MRTFA: variants seen among roughly 807,000 people sequenced by gnomAD.
MRTFA encodes myocardin-related transcription factor A.
A neutral mutation model predicts 83.5 loss-of-function variants in MRTFA; 20 were observed. That is an observed-to-expected ratio of 0.24 (90% CI 0.17 to 0.35). The LOEUF (loss-of-function observed/expected upper bound fraction) is 0.35. Ranked by LOEUF, MRTFA falls within the 10% of genes least tolerant of loss-of-function variation. MRTFA has a pLI of 1.00. For missense variants in MRTFA, 1,200 were observed against 1,224.7 expected, an observed-to-expected ratio of 0.98 and a Z score of 0.30; for synonymous variants, 659 against 541.2, an observed-to-expected ratio of 1.22 and a Z score of -3.02.
intron 4 of MRTFA, among the ~76,000 whole-genome samples, chr22:40,451,449 G>A (rs1309325919): frequency 3.9e-5 from 6 of 152,120 alleles, no homozygotes; most frequent in Non-Finnish European, 8.8e-5. Context: ...GCCACCACCC[G>A]TTTTGGCACC....
At chr22:40,590,680 G>GAAAAAAAAAAAAAAAAAA (rs56366993) in intron 2 of MRTFA, among the ~76,000 whole-genome samples, 3 of 81,360 alleles carry the variant, frequency 3.7e-5, no homozygotes, top group Non-Finnish European at 5.1e-5. Flanking sequence ...CTCAAAAAAA[G>GAAAAAAAAAAAAAAAAAA]AAAAAAAAAA....
Position 40,411,550 on chromosome 22 carries a change from TCCAGGC to T in MRTFA, c.2930_2935del (p.Gly977_Leu978del), listed in dbSNP as rs1302767860. 2 of 1,613,662 alleles carry T rather than the reference TCCAGGC, an allele frequency of 1.2e-6. No individual in the cohort carries two copies. Among genetic ancestry groups the T allele is most frequent in the Non-Finnish European group, 1.7e-6 (2 of 1,179,882 alleles). On this transcript the variant is annotated inframe_deletion, in exon 15 of 15. Transcript: ENST00000355630. ...GCTGTCCAGGTGGCCATCAGCCAGGTCCAGGCCCATGGTGCTGCTGGGCTCAGGAAC... is the reference window on the plus strand; with the variant it reads ...GCTGTCCAGGTGGCCATCAGCCAGGTCCATGGTGCTGCTGGGCTCAGGAAC...
chr22:40,528,481 T>C (rs2055017349), intron 3 of MRTFA, among the ~76,000 whole-genome samples: 1 of 152,124 alleles, frequency 6.6e-6, no homozygotes. Context: ...CTCACACCTG[T>C]AATCCCAGCA....
chr22:40,524,360 A>G (rs1268110713), intron 3 of MRTFA, among the ~76,000 whole-genome samples: 1 of 152,248 alleles, frequency 6.6e-6, no homozygotes, highest in Non-Finnish European at 1.5e-5. Context: ...TTTTATGCCT[A>G]CAACAAATCA....
chr22:40,436,456 T>C (rs1358734796), intron 4 of MRTFA: 1 of 154,350 alleles, frequency 6.5e-6, no homozygotes, highest in Non-Finnish European at 1.5e-5. Context: ...AAGAACCCCA[T>C]GGCAATTGTA....
intron 3 of MRTFA, among the ~76,000 whole-genome samples, chr22:40,532,062 A>G (rs1348545216): frequency 6.6e-6 from 1 of 152,204 alleles, no homozygotes; most frequent in African/African-American, 2.4e-5. Flanking sequence ...TCATCCTTTG[A>G]AAGTTTTATG....
intron 1 of MRTFA, among the ~76,000 whole-genome samples, chr22:40,632,493 TG>T (rs1049472174): frequency 1.3e-4 from 20 of 151,918 alleles, no homozygotes; most frequent in African/African-American, 4.6e-4. Context: ...TGGAGTGCAG[TG>T]GTGCAATCTT....
At chr22:40,622,935 C>T (rs2056540880) in intron 1 of MRTFA, among the ~76,000 whole-genome samples, 1 of 152,162 alleles carries the variant, frequency 6.6e-6, no homozygotes, top group Non-Finnish European at 1.5e-5. Flanking sequence ...ATCTTGAAGA[C>T]AGAGCTAACA....
At chr22:40,431,038 G>A (rs898859065) in intron 6 of MRTFA, among the ~76,000 whole-genome samples, 5 of 152,108 alleles carry the variant, frequency 3.3e-5, no homozygotes, top group African/African-American at 1.2e-4. Context: ...CTAAGTAAGT[G>A]TATTTTAAAA....
intron 3 of MRTFA, among the ~76,000 whole-genome samples, chr22:40,536,427 T>A (rs1055929023): frequency 2.0e-5 from 3 of 149,442 alleles, no homozygotes; most frequent in African/African-American, 4.9e-5. Context: ...AGGCAGCGGC[T>A]GGAGGAGCGG....
intron 2 of MRTFA, among the ~76,000 whole-genome samples, chr22:40,573,357 C>G (rs2147348432): frequency 6.6e-6 from 1 of 152,268 alleles, no homozygotes; most frequent in African/African-American, 2.4e-5. Context: ...CAGGTTCAAG[C>G]AATTCTCCTG....
intron 3 of MRTFA, among the ~76,000 whole-genome samples, chr22:40,508,086 A>AC (rs944216184): frequency 2.6e-5 from 4 of 152,060 alleles, no homozygotes; most frequent in Admixed American, 2.6e-4. Flanking sequence ...CTAGGGAAAC[A>AC]TAAGTTTCTC....
chr22:40,489,634 G>A (rs996302836), intron 3 of MRTFA, among the ~76,000 whole-genome samples: 4 of 152,028 alleles, frequency 2.6e-5, no homozygotes, highest in Non-Finnish European at 5.9e-5. Context: ...GTCCTTTCAA[G>A]ACTGAGTCAA....
At chr22:40,532,253 T>C (rs933669619) in intron 3 of MRTFA, among the ~76,000 whole-genome samples, 1 of 152,234 alleles carries the variant, frequency 6.6e-6, no homozygotes, top group African/African-American at 2.4e-5. Flanking sequence ...GAAAAGTTAC[T>C]GGACTGAGAT....
At chr22:40,441,582 C>T (rs1015348724) in intron 4 of MRTFA, among the ~76,000 whole-genome samples, 29 of 152,026 alleles carry the variant, frequency 1.9e-4, no homozygotes, top group Admixed American at 1.6e-3. Flanking sequence ...GTCAGGAGTT[C>T]GAGACCAGCC....
intron 3 of MRTFA, among the ~76,000 whole-genome samples, chr22:40,502,102 C>A (rs1247314908): frequency 7.7e-6 from 1 of 130,554 alleles, no homozygotes; most frequent in Non-Finnish European, 1.6e-5. Flanking sequence ...CCAGTAGGGG[C>A]GGCCGGGCAG....
At chr22:40,415,715 T>TCC (rs980813351) in intron 14 of MRTFA, among the ~76,000 whole-genome samples, 1 of 151,638 alleles carries the variant, frequency 6.6e-6, no homozygotes, top group Non-Finnish European at 1.5e-5. Flanking sequence ...CTGCCCTACC[T>TCC]CCTTCTTCCC....
intron 3 of MRTFA, among the ~76,000 whole-genome samples, chr22:40,487,077 TTGTG>T (rs1483337285): frequency 2.6e-5 from 4 of 152,206 alleles, no homozygotes; most frequent in African/African-American, 7.2e-5. Context: ...TTGTGTGTGT[TTGTG>T]TGTGTATCAC....
chr22:40,606,159 TTTAA>T (rs2056316921), intron 1 of MRTFA, among the ~76,000 whole-genome samples: 4 of 152,158 alleles, frequency 2.6e-5, no homozygotes, highest in Admixed American at 6.5e-5. Flanking sequence ...AGCAAACTCA[TTTAA>T]TTCTCTCTGA....
Sources: gnomAD v4.1 joint callset for allele counts (sites outside exome capture counted in the v4.1 genomes callset) on GRCh38, gnomAD v4.1.1 for gene constraint, MANE v1.5 for transcripts, NCBI Gene and HGNC (gene_info 2026-07-23, HGNC 2026-07-21) for gene names.